PLCH1: variants seen among roughly 807,000 people sequenced by gnomAD.
PLCH1 encodes 1-phosphatidylinositol 4,5-bisphosphate phosphodiesterase eta-1.
In PLCH1, 60 loss-of-function variants were observed where a neutral mutation model predicts 126.7. That is an observed-to-expected ratio of 0.47 (90% CI 0.38 to 0.59). The LOEUF is 0.59. PLCH1 is among the 20% of genes least tolerant of loss of function. PLCH1 has a pLI of 0.00. For synonymous variants in PLCH1, 719 were observed against 734.9 expected (o/e 0.98, Z 0.35); for missense variants, 1,723 against 2,040.0 (o/e 0.84, Z 2.99).
Position 155,619,771 on chromosome 3 carries a change from C to T in PLCH1, c.80-23393G>A, listed in dbSNP as rs373037367. 1.4e-4 allele frequency among the ~76,000 whole-genome samples: 21 copies of T among 152,022 alleles called. No individual in the cohort carries two copies. The East Asian group carries it at 2.5e-3, about 18-fold the overall frequency. On this transcript the variant is annotated intron_variant, in intron 2 of 22. Transcript: ENST00000460012. The stretch of plus-strand genomic sequence containing the variant: ...TATGCTGAAGCAGGCCTGACAACTT[C>T]CAACCACAGACAGTTGGAAATCAAG...
chr3:155,654,014 G>C (rs962125609), intron 2 of PLCH1, among the ~76,000 whole-genome samples: 1 of 149,174 alleles, frequency 6.7e-6, no homozygotes, highest in African/African-American at 2.5e-5. Flanking sequence ...TTCCAACCAG[G>C]CTTTTGTCTC....
At chr3:155,667,831 G>T (rs2108968181) in intron 2 of PLCH1, among the ~76,000 whole-genome samples, 1 of 149,344 alleles carries the variant, frequency 6.7e-6, no homozygotes, top group East Asian at 2.0e-4. Context: ...TTGGGAGGCT[G>T]AGGGGGGTGG....
intron 13 of PLCH1, 91 bp from the exon 14 acceptor site, chr3:155,500,885 T>G (rs1206885837): frequency 1.2e-6 from 1 of 817,504 alleles, no homozygotes; most frequent in Non-Finnish European, 2.1e-6. Context: ...AAAATGCACA[T>G]GTGCACAAAC....
chr3:155,698,136 A>T lies in PLCH1; in HGVS notation c.79+6010T>A, dbSNP rs916257816. Among the ~76,000 whole-genome samples the T allele has an allele frequency of 2.1e-4, 32 of 152,360 alleles. 2 individuals carry two copies. In the Middle Eastern group the frequency reaches 0.017, roughly 81 times the overall value. On this transcript the variant is annotated intron_variant, in intron 2 of 22. Coordinates refer to ENST00000460012, the MANE Select transcript of PLCH1 (RefSeq NM_014996.4). ...CAGAAAGTAATAGAACCTATCCAAG[A>T]TGCTACAATGGGACAAAGTATTTTC...
chr3:155,542,249 G>A (rs142157325), intron 10 of PLCH1, among the ~76,000 whole-genome samples: 5,037 of 152,284 alleles, frequency 0.033, 301 homozygotes, highest in African/African-American at 0.11. Context: ...CACCTGGCTC[G>A]GAGGGTCCTA....
At chr3:155,583,770 A>G (rs1005517617) in intron 5 of PLCH1, 128 bp from the exon 6 acceptor site, 27 of 592,204 alleles carry the variant, frequency 4.6e-5, no homozygotes, top group Admixed American at 7.8e-5. Flanking sequence ...ATTCTCTTCG[A>G]GCACACATTC....
chr3:155,583,456 A>G lies in PLCH1; in HGVS notation c.771+16T>C. 6.4e-7 allele frequency: 1 copy of G among 1,559,256 alleles called. No individual in the cohort carries two copies. Among genetic ancestry groups the G allele is most frequent in the Non-Finnish European group, 8.7e-7 (1 of 1,154,524 alleles). On this transcript the variant is annotated intron_variant, in intron 6 of 22. Transcript: ENST00000460012. Reference sequence around the variant, plus strand: ...GTACTTTTAAGTAAACTTTCATTTTAACAGTCTAATGATACCTTTTGCTCC... The same window carrying G: ...GTACTTTTAAGTAAACTTTCATTTTGACAGTCTAATGATACCTTTTGCTCC...
At chr3:155,531,774 C>T (rs560040419) in intron 10 of PLCH1, among the ~76,000 whole-genome samples, 5 of 152,336 alleles carry the variant, frequency 3.3e-5, no homozygotes, top group Non-Finnish European at 5.9e-5. Context: ...TTGCCTTAAA[C>T]TTCATATACC....
At chr3:155,662,515 G>GT (rs879290008) in intron 2 of PLCH1, among the ~76,000 whole-genome samples, 3,072 of 145,140 alleles carry the variant, frequency 0.021, 105 homozygotes, top group African/African-American at 0.072. Flanking sequence ...ATATATACAA[G>GT]TTTTTTTTTT....
rs377628405 is a variant in PLCH1 at position 155,623,132 on chromosome 3, T to G, written c.80-26754A>C. Among the ~76,000 whole-genome samples, 4 of 152,084 alleles carry G rather than the reference T, an allele frequency of 2.6e-5. No homozygotes were observed. The East Asian group carries it at 5.8e-4, about 22-fold the overall frequency. On this transcript the variant is annotated intron_variant, in intron 2 of 22. Transcript: ENST00000460012. ...ACTCCCTCAAAACCACACAACTACA[T>G]GGAAACTGAATCCTGAATGACTACT...
intron 8 of PLCH1, among the ~76,000 whole-genome samples, chr3:155,561,756 TA>T (rs1373088506): frequency 6.6e-6 from 1 of 152,012 alleles, no homozygotes; most frequent in Admixed American, 6.6e-5. Flanking sequence ...ACCAACAGTG[TA>T]AAAGTGTTCC....
At chr3:155,526,484 T>A (rs866265489) in intron 10 of PLCH1, among the ~76,000 whole-genome samples, 39 of 94,350 alleles carry the variant, frequency 4.1e-4, no homozygotes, top group Non-Finnish European at 4.8e-4. Flanking sequence ...TTTCTCTCTC[T>A]CTCATACACA....
intron 18 of PLCH1, among the ~76,000 whole-genome samples, chr3:155,491,335 C>T (rs773351700): frequency 2.6e-5 from 4 of 152,170 alleles, no homozygotes; most frequent in Non-Finnish European, 5.9e-5. Context: ...ATGATCTTAG[C>T]TCATGGCAGC....
chr3:155,607,382 TA>T (rs1169749410), intron 2 of PLCH1, among the ~76,000 whole-genome samples: 1 of 152,060 alleles, frequency 6.6e-6, no homozygotes, highest in Non-Finnish European at 1.5e-5. Context: ...GTCAAAAAAA[TA>T]AAAAAACATG....
intron 10 of PLCH1, among the ~76,000 whole-genome samples, chr3:155,534,827 G>C (rs1305251698): frequency 6.6e-6 from 1 of 152,102 alleles, no homozygotes; most frequent in African/African-American, 2.4e-5. Flanking sequence ...TCCCTTCACT[G>C]TTCACCCTTC....
intron 2 of PLCH1, among the ~76,000 whole-genome samples, chr3:155,638,691 T>C (rs1280783976): frequency 2.0e-5 from 3 of 152,234 alleles, no homozygotes; most frequent in Non-Finnish European, 2.9e-5. Context: ...GCCTCCAGCT[T>C]CCCAGATAAT....
chr3:155,547,334 A>G lies in PLCH1; in HGVS notation c.1362+2453T>C, dbSNP rs539914074. 3.3e-5 allele frequency among the ~76,000 whole-genome samples: 5 copies of G among 151,968 alleles called. No individual in the cohort carries two copies. In the South Asian group the frequency reaches 1.0e-3, roughly 32 times the overall value. On this transcript the variant is annotated intron_variant, in intron 10 of 22. Coordinates refer to ENST00000460012, the MANE Select transcript of PLCH1 (RefSeq NM_014996.4). ...TCAGAGAAATGCAAATCAAAACCAC[A>G]GTGAGATACCATCTCACACCAGTTA...
intron 2 of PLCH1, among the ~76,000 whole-genome samples, chr3:155,634,881 C>G (rs1418195859): frequency 1.3e-5 from 2 of 152,148 alleles, no homozygotes; most frequent in Admixed American, 1.3e-4. Context: ...TATTCTTTGA[C>G]TTGGCTATAC....
chr3:155,477,329 G>A (rs1029877524), downstream of PLCH1, among the ~76,000 whole-genome samples: 1 of 151,996 alleles, frequency 6.6e-6, no homozygotes, highest in African/African-American at 2.4e-5. Context: ...CCAGGACATT[G>A]GTCTAGGCAA....
Sources: gnomAD v4.1 joint callset for allele counts (sites outside exome capture counted in the v4.1 genomes callset) on GRCh38, gnomAD v4.1.1 for gene constraint, MANE v1.5 for transcripts, NCBI Gene and HGNC (gene_info 2026-07-23, HGNC 2026-07-21) for gene names.